Variants in AJAP1 observed in about 807,000 individuals in gnomAD.
AJAP1 encodes the protein adherens junction-associated protein 1.
Under a neutral mutation model 35.0 loss-of-function variants are expected in AJAP1, and 5 were observed. The ratio of observed to expected loss-of-function variants is 0.14; its 90% CI spans 0.07 to 0.30. The LOEUF (loss-of-function observed/expected upper bound fraction) is 0.30. Ranked by LOEUF, AJAP1 falls within the 10% of genes least tolerant of loss-of-function variation. The pLI is 1.00. For synonymous variants in AJAP1, 284 were observed against 249.3 expected (o/e 1.14, Z -1.31); for missense variants, 586 against 571.0 (o/e 1.03, Z -0.27).
In AJAP1 at chr1:4,739,371, G is replaced by A. The variant is rs1183485953; in HGVS notation, c.829+26672G>A. 2.0e-5 allele frequency among the ~76,000 whole-genome samples: 3 copies of A among 152,236 alleles called. No homozygotes were observed. In the East Asian group the frequency reaches 5.8e-4, roughly 29 times the overall value. ...CACAGACATCTCCCGTCTGTCGGCAGCAATGGTCATGCGACAGGCCTGGGA... is the reference window on the plus strand; with the variant it reads ...CACAGACATCTCCCGTCTGTCGGCAACAATGGTCATGCGACAGGCCTGGGA... On this transcript the variant is annotated intron_variant, in intron 2 of 5. Transcript: ENST00000378191.
At chr1:4,781,861 G>A (rs529117348) in intron 5 of AJAP1, among the ~76,000 whole-genome samples, 1 of 152,172 alleles carries the variant, frequency 6.6e-6, no homozygotes, top group Admixed American at 6.5e-5. Context: ...TCCGAGGCTC[G>A]GGCTGGCTGG....
chr1:4,708,891 TC>T (rs1640160559), intron 1 of AJAP1, among the ~76,000 whole-genome samples: 1 of 152,034 alleles, frequency 6.6e-6, no homozygotes, highest in Non-Finnish European at 1.5e-5. Flanking sequence ...CTCTTTTTTT[TC>T]CTCTCTGAAC....
At chr1:4,705,395 C>CTTT (rs58022692) in intron 1 of AJAP1, among the ~76,000 whole-genome samples, 382 of 23,796 alleles carry the variant, frequency 0.016, 102 homozygotes, top group East Asian at 0.059. Context: ...TTTTGAAGAG[C>CTTT]TTTTTTTTTT....
rs1290187096 is a variant in AJAP1, at chr1:4,783,469, G to GTATATATATATA, written c.*985_*986insATATATATATAT. On this transcript the variant is annotated 3_prime_UTR_variant, in exon 6 of 6. Coordinates refer to ENST00000378191, the MANE Select transcript of AJAP1 (RefSeq NM_018836.4). ...GAATGCCAAGGTTTTATATATGTGT[G>GTATATATATATA]TGTATATATATATATATATATATAT... 2.5e-4 allele frequency: 28 copies of GTATATATATATA among 111,470 alleles called. No homozygotes were observed. The highest frequency in any genetic ancestry group is 2.1e-3 in the South Asian group (6 of 2,842). The allele number at this position is 111,470 out of a possible 1,614,324, so 6.9% of individuals were successfully genotyped here.
intron 1 of AJAP1, among the ~76,000 whole-genome samples, chr1:4,677,667 A>AAAT (rs966821721): frequency 1.3e-5 from 2 of 152,160 alleles, no homozygotes; most frequent in Non-Finnish European, 2.9e-5. Context: ...AGAAACTCTT[A>AAAT]AAAAGTCAGC....
intron 2 of AJAP1, among the ~76,000 whole-genome samples, chr1:4,746,975 G>A (rs1225802016): frequency 6.6e-6 from 1 of 152,332 alleles, no homozygotes; most frequent in Non-Finnish European, 1.5e-5. Context: ...TTAGTCTGCA[G>A]AGAAGAGATT....
intron 1 of AJAP1, among the ~76,000 whole-genome samples, chr1:4,703,953 C>T (rs570027645): frequency 1.2e-4 from 19 of 152,182 alleles, no homozygotes; most frequent in Non-Finnish European, 1.8e-4. Context: ...GGATGGAGCC[C>T]GGGCAGCCTA....
At chr1:4,727,075 G>A (rs967154983) in intron 2 of AJAP1, among the ~76,000 whole-genome samples, 3 of 152,364 alleles carry the variant, frequency 2.0e-5, no homozygotes, top group Non-Finnish European at 2.9e-5. Context: ...CCATTGCTTC[G>A]CAGTTTGGGT....
chr1:4,675,482 C>G lies in AJAP1; in HGVS notation c.29+20028C>G, dbSNP rs146099686. 1.1e-4 allele frequency among the ~76,000 whole-genome samples: 16 copies of G among 152,302 alleles called. No individual in the cohort carries two copies. In the East Asian group the frequency reaches 2.9e-3, roughly 28 times the overall value. On this transcript the variant is annotated intron_variant, in intron 1 of 5. Coordinates refer to ENST00000378191, the MANE Select transcript of AJAP1 (RefSeq NM_018836.4). ...CCGGGGAAGCCCCTGGCCTTGGTGT[C>G]CCGAGCGTTTATTACTGGGGCCTCT...
chr1:4,727,214 C>T (rs139408985), intron 2 of AJAP1, among the ~76,000 whole-genome samples: 77 of 152,294 alleles, frequency 5.1e-4, no homozygotes, highest in African/African-American at 1.6e-3. Flanking sequence ...TGCAGCCCAG[C>T]GGGCAGCAGG....
intron 2 of AJAP1, among the ~76,000 whole-genome samples, chr1:4,739,726 T>G (rs911048420): frequency 7.9e-5 from 12 of 152,204 alleles, no homozygotes; most frequent in Non-Finnish European, 1.5e-4. Flanking sequence ...GGTTGTTGTT[T>G]TTTTTTCTGT....
chr1:4,773,190 C>T (rs1641876884), intron 4 of AJAP1, among the ~76,000 whole-genome samples: 1 of 152,026 alleles, frequency 6.6e-6, no homozygotes, highest in Admixed American at 6.6e-5. Flanking sequence ...ATTAAAAAAA[C>T]AGTCTCCAAC....
At chr1:4,746,593 C>T (rs984218265) in intron 2 of AJAP1, among the ~76,000 whole-genome samples, 4 of 152,206 alleles carry the variant, frequency 2.6e-5, no homozygotes, top group African/African-American at 9.7e-5. Flanking sequence ...CAACAATTGA[C>T]CACTCCAGGT....
rs201524940 is a variant in AJAP1, at chr1:4,772,461, G to A, written c.1099G>A (p.Val367Met). Reference sequence around the variant, plus strand: ...CGAGTGCGTCAGGGCATCTGTGCCCGTGTACACCGATGAGACGCTGCACTC... The same window carrying A: ...CGAGTGCGTCAGGGCATCTGTGCCCATGTACACCGATGAGACGCTGCACTC... ...SHECVRASVP[V>M]YTDETLHSTT... Residue 367 changes from valine to methionine, a missense_variant, in exon 4 of 6, where the codon GTG becomes ATG. Val to Met is a conservative substitution (Grantham distance 21). Coordinates refer to ENST00000378191, the MANE Select transcript of AJAP1 (RefSeq NM_018836.4). 9.0e-5 allele frequency: 146 copies of A among 1,614,210 alleles called. 1 individual carries two copies. Among genetic ancestry groups the A allele is most frequent in the Admixed American group, 2.0e-4 (12 of 60,028 alleles).
rs1642161957 is a variant in AJAP1, at chr1:4,786,424, G to A, written c.*3939G>A. ...ACCCACTCTTTGAATCGGGACACCA[G>A]GAAACCCGTTACTACTAATGTGATC... On this transcript the variant is annotated 3_prime_UTR_variant, in exon 6 of 6. Transcript: ENST00000378191. 1 of 152,152 alleles carries A rather than the reference G, an allele frequency of 6.6e-6. No homozygotes were observed. The highest frequency in any genetic ancestry group is 2.1e-4 in the South Asian group (1 of 4,824). The allele number at this position is 152,152 out of a possible 1,614,324, so 9.4% of individuals were successfully genotyped here. A position where few individuals can be genotyped will look rare whatever the true frequency, so the allele number is the denominator to read the frequency against.
intron 2 of AJAP1, among the ~76,000 whole-genome samples, chr1:4,714,133 TAG>T (rs1640334535): frequency 6.6e-6 from 1 of 151,830 alleles, no homozygotes; most frequent in Admixed American, 6.6e-5. Flanking sequence ...TCCTCTTCCC[TAG>T]AGAGCAATGT....
intron 2 of AJAP1, among the ~76,000 whole-genome samples, chr1:4,755,305 G>A (rs756538): frequency 0.19 from 29,588 of 152,132 alleles, 3,653 homozygotes; most frequent in Admixed American, 0.31. Flanking sequence ...GTGGGTGCGG[G>A]GGACTCTCAC....
chr1:4,759,060 C>T (rs948710146), intron 2 of AJAP1, among the ~76,000 whole-genome samples: 1 of 152,170 alleles, frequency 6.6e-6, no homozygotes, highest in African/African-American at 2.4e-5. Flanking sequence ...GTCACTGACC[C>T]GTGACTGTTT....
At chr1:4,670,231 G>A (rs932941583) in intron 1 of AJAP1, among the ~76,000 whole-genome samples, 4 of 152,070 alleles carry the variant, frequency 2.6e-5, no homozygotes, top group East Asian at 1.9e-4. Context: ...TGTGGCAGCC[G>A]GTCTGTCTTT....
Sources: gnomAD v4.1 joint callset for allele counts (sites outside exome capture counted in the v4.1 genomes callset) on GRCh38, gnomAD v4.1.1 for gene constraint, MANE v1.5 for transcripts, NCBI Gene and HGNC (gene_info 2026-07-23, HGNC 2026-07-21) for gene names.